Variants in XPNPEP1 observed in about 807,000 individuals in gnomAD.
The protein encoded by XPNPEP1 is xaa-Pro aminopeptidase 1.
A neutral mutation model predicts 92.4 loss-of-function variants in XPNPEP1; 39 were observed. The observed-to-expected ratio is 0.42, with a 90% CI of 0.33 to 0.55. The LOEUF is 0.55. Among genes scored for constraint, XPNPEP1 ranks in the 20% least tolerant of loss-of-function variants. The pLI is 0.08. For missense variants in XPNPEP1, 654 were observed against 856.1 expected (o/e 0.76, Z 2.95); for synonymous variants, 307 against 299.4 (o/e 1.03, Z -0.26).
chr10:109,912,866 G>C (rs902294247), intron 2 of XPNPEP1, among the ~76,000 whole-genome samples: 19 of 152,176 alleles, frequency 1.2e-4, no homozygotes, highest in African/African-American at 4.3e-4. Flanking sequence ...CTCACTCAAA[G>C]ATGGCTAAAT....
intron 3 of XPNPEP1, among the ~76,000 whole-genome samples, chr10:109,902,092 C>T (rs1442951321): frequency 6.6e-6 from 1 of 152,236 alleles, no homozygotes; most frequent in Non-Finnish European, 1.5e-5. Context: ...TTTCCCATGA[C>T]ATTCACCAGT....
rs372609140 is a variant in XPNPEP1 at position 109,920,522 on chromosome 10, T to C, written c.32+2880A>G. Among the ~76,000 whole-genome samples, 23 of 152,298 alleles carry C rather than the reference T, an allele frequency of 1.5e-4. No homozygotes were observed. In the East Asian group the frequency reaches 1.5e-3, roughly 10 times the overall value. The stretch of plus-strand genomic sequence containing the variant: ...GATCCCAATGACTGGTTCAGACACA[T>C]GACTACAGAGGTGGAAGGTTATCAT... On this transcript the variant is annotated intron_variant, in intron 1 of 20. Transcript: ENST00000502935.
At chr10:109,922,554 G>A (rs1850601241) in intron 1 of XPNPEP1, among the ~76,000 whole-genome samples, 1 of 152,174 alleles carries the variant, frequency 6.6e-6, no homozygotes, top group Non-Finnish European at 1.5e-5. Flanking sequence ...AACACAAGCA[G>A]GAGCCATGGT....
intron 1 of XPNPEP1, among the ~76,000 whole-genome samples, chr10:109,917,360 A>T (rs141255744): frequency 4.5e-4 from 68 of 152,340 alleles, no homozygotes; most frequent in African/African-American, 1.5e-3. Context: ...TCAAAAATAA[A>T]ATTAAGAAAA....
At chr10:109,918,789 G>A (rs780027462) in intron 1 of XPNPEP1, among the ~76,000 whole-genome samples, 2 of 144,950 alleles carry the variant, frequency 1.4e-5, no homozygotes, top group East Asian at 2.1e-4. Context: ...GAAGGAAGGA[G>A]AGGAAGGAGA....
chr10:109,919,132 G>C (rs957201967), intron 1 of XPNPEP1, among the ~76,000 whole-genome samples: 1 of 152,126 alleles, frequency 6.6e-6, no homozygotes, highest in Non-Finnish European at 1.5e-5. Context: ...AAAGAAAAAA[G>C]AGATACACTG....
chr10:109,897,267 CAA>C (rs564784851), intron 3 of XPNPEP1, among the ~76,000 whole-genome samples: 4 of 134,956 alleles, frequency 3.0e-5, no homozygotes, highest in South Asian at 2.3e-4. Flanking sequence ...CTGTAAACTA[CAA>C]AAAAAAAAAA....
chr10:109,923,258 G>A, intron 1 of XPNPEP1, 144 bp downstream of exon 1: 2 of 1,186,160 alleles, frequency 1.7e-6, no homozygotes, highest in Non-Finnish European at 2.1e-6. Context: ...CTGTTCCGGG[G>A]CTCCGGCGAG....
intron 2 of XPNPEP1, among the ~76,000 whole-genome samples, chr10:109,909,371 G>A (rs1294380688): frequency 6.6e-6 from 1 of 152,104 alleles, no homozygotes; most frequent in African/African-American, 2.4e-5. Flanking sequence ...AATAAAACCA[G>A]AGTTGGAATC....
rs1366425297 is a variant in XPNPEP1 at position 109,888,074 on chromosome 10, G to A, written c.627C>T (p.Leu209=). ...TDRPERPCKP[L]LTLGLDYTGI... is the part of the protein sequence containing the mutation. ...CTGTGTAATCCAGGCCCAGTGTGAG[G>A]AGAGGCTTGCAAGGGCGCTCAGGAC... The change falls in exon 7 of 21, where the codon CTC becomes CTT. Residue 209 remains leucine, a synonymous_variant. Coordinates refer to ENST00000502935, the MANE Select transcript of XPNPEP1 (RefSeq NM_020383.4). 76 of 1,613,992 alleles carry A rather than the reference G, an allele frequency of 4.7e-5. No individual in the cohort carries two copies. Among genetic ancestry groups the A allele is most frequent in the Non-Finnish European group, 5.4e-5 (64 of 1,180,020 alleles).
chr10:109,883,724 A>C (rs1333816049), intron 9 of XPNPEP1: 1 of 214,182 alleles, frequency 4.7e-6, no homozygotes, highest in African/African-American at 2.3e-5. Flanking sequence ...ATTATTTTTG[A>C]CCTTCAAAAT....
chr10:109,917,658 C>T (rs890172760), intron 1 of XPNPEP1, among the ~76,000 whole-genome samples: 2 of 152,166 alleles, frequency 1.3e-5, no homozygotes, highest in African/African-American at 2.4e-5. Context: ...GCAAGGGACC[C>T]AGAATAGCCA....
intron 2 of XPNPEP1, 48 bp from the exon 3 acceptor site, chr10:109,907,863 T>C: frequency 1.2e-6 from 2 of 1,609,600 alleles, no homozygotes. Flanking sequence ...CCCCCAGCAA[T>C]TCAACGTCCA....
At chr10:109,910,943 G>C (rs1439508924) in intron 2 of XPNPEP1, among the ~76,000 whole-genome samples, 1 of 152,232 alleles carries the variant, frequency 6.6e-6, no homozygotes, top group South Asian at 2.1e-4. Context: ...CTTAAACCCT[G>C]CTGGGCATAG....
chr10:109,917,193 C>T (rs1850240249), intron 1 of XPNPEP1, among the ~76,000 whole-genome samples: 1 of 152,072 alleles, frequency 6.6e-6, no homozygotes. Flanking sequence ...AGAAGTAAAA[C>T]TATCTCTATT....
chr10:109,881,348 G>C (rs1374073849), intron 10 of XPNPEP1, among the ~76,000 whole-genome samples: 1 of 152,180 alleles, frequency 6.6e-6, no homozygotes, highest in Non-Finnish European at 1.5e-5. Flanking sequence ...GACCTGATGA[G>C]TGAGGTCTCC....
chr10:109,918,915 G>C (rs1232170118), intron 1 of XPNPEP1, among the ~76,000 whole-genome samples: 2 of 124,954 alleles, frequency 1.6e-5, no homozygotes, highest in African/African-American at 6.4e-5. Context: ...AAGGAAGGAA[G>C]GAGAGAGAGA....
intron 3 of XPNPEP1, among the ~76,000 whole-genome samples, chr10:109,901,340 C>T (rs1369845746): frequency 6.6e-6 from 1 of 152,008 alleles, no homozygotes; most frequent in Non-Finnish European, 1.5e-5. Context: ...AGCACACCAA[C>T]ATGGCACATG....
chr10:109,893,212 A>G (rs1848798766), intron 3 of XPNPEP1, 137 bp from the exon 4 acceptor site: 1 of 700,608 alleles, frequency 1.4e-6, no homozygotes. Flanking sequence ...AGAAGCCAAC[A>G]GTCTAGCTGA....
Sources: allele counts gnomAD v4.1 joint callset (sites outside exome capture counted in the v4.1 genomes callset), GRCh38; gene constraint gnomAD v4.1.1; transcripts MANE v1.5; gene names NCBI Gene and HGNC (gene_info 2026-07-23, HGNC 2026-07-21).